The following DSCAM variants were observed in gnomAD, a reference collection of about 807,000 sequenced individuals.
DSCAM encodes cell adhesion molecule DSCAM.
Under a neutral mutation model 217.7 loss-of-function variants are expected in DSCAM, and 47 were observed. The ratio of observed to expected loss-of-function variants is 0.22; its 90% confidence interval spans 0.17 to 0.28. DSCAM has a LOEUF of 0.28. Among genes scored for constraint, DSCAM ranks in the 10% least tolerant of loss-of-function variants. The pLI, the probability that DSCAM is intolerant of heterozygous loss-of-function variation, is 1.00. For missense variants in DSCAM, 2,080 were observed against 2,618.3 expected, an observed-to-expected ratio of 0.79 and a Z score of 4.49; for synonymous variants, 1,056 against 1,015.3, an observed-to-expected ratio of 1.04 and a Z score of -0.76.
At chr21:40,076,683 T>C (rs1228192622) in intron 26 of DSCAM, among the ~76,000 whole-genome samples, 1 of 152,262 alleles carries the variant, frequency 6.6e-6, no homozygotes, top group Non-Finnish European at 1.5e-5. Context: ...GAACACTTTG[T>C]GAATTAGAAT....
At chr21:40,593,450 C>T (rs772689434) in intron 3 of DSCAM, among the ~76,000 whole-genome samples, 9 of 152,050 alleles carry the variant, frequency 5.9e-5, no homozygotes, top group Non-Finnish European at 1.0e-4. Flanking sequence ...CTCAGCCTCT[C>T]GAGTAGCTGG....
At chr21:40,196,122 T>C (rs2091005064) in intron 11 of DSCAM, among the ~76,000 whole-genome samples, 1 of 152,186 alleles carries the variant, frequency 6.6e-6, no homozygotes. Context: ...CCTCCTGGTG[T>C]CCCAGGTAAA....
chr21:40,637,154 TATATAA>T (rs1240344496), intron 3 of DSCAM, among the ~76,000 whole-genome samples: 1 of 61,600 alleles, frequency 1.6e-5, no homozygotes, highest in Admixed American at 3.6e-4. Context: ...TATATAAATA[TATATAA>T]ATATAAATAT....
At chr21:40,575,491 C>T (rs986231843) in intron 3 of DSCAM, among the ~76,000 whole-genome samples, 13 of 152,090 alleles carry the variant, frequency 8.5e-5, no homozygotes, top group African/African-American at 2.4e-4. Context: ...TACACATATA[C>T]GGCTCTTTTT....
At chr21:40,736,400 C>T (rs987762689) in intron 1 of DSCAM, among the ~76,000 whole-genome samples, 2 of 150,054 alleles carry the variant, frequency 1.3e-5, no homozygotes, top group Admixed American at 6.6e-5. Flanking sequence ...TCATGGGGGC[C>T]GTGGGTATAT....
At chr21:40,224,067 T>G (rs888201857) in intron 11 of DSCAM, among the ~76,000 whole-genome samples, 3 of 152,244 alleles carry the variant, frequency 2.0e-5, no homozygotes, top group Non-Finnish European at 4.4e-5. Flanking sequence ...TAACAATGTA[T>G]GTACTAGGGA....
Position 40,620,391 on chromosome 21 carries a change from A to G in DSCAM, c.508+72419T>C, listed in dbSNP as rs1377572236. On this transcript the variant is annotated intron_variant, in intron 3 of 32. Coordinates refer to ENST00000400454, the MANE Select transcript of DSCAM (RefSeq NM_001389.5). The stretch of plus-strand genomic sequence containing the variant: ...AAAAGAAAGAAAGAAAGAAAGAGAA[A>G]GAAAGAAAGAAAGGAGGGAGGGAGG... Among the ~76,000 whole-genome samples the G allele has an allele frequency of 3.5e-5, 3 of 84,940 alleles. No homozygotes were observed. The East Asian group carries it at 8.2e-4, about 23-fold the overall frequency. 55.7% of individuals were successfully genotyped at this position (84,940 alleles called of 152,430 possible).
chr21:40,506,288 C>T (rs2076209920), intron 3 of DSCAM, among the ~76,000 whole-genome samples: 1 of 152,160 alleles, frequency 6.6e-6, no homozygotes, highest in South Asian at 2.1e-4. Context: ...AGTGAATATT[C>T]TAGCAAATAA....
intron 11 of DSCAM, among the ~76,000 whole-genome samples, chr21:40,195,747 C>T (rs1195833430): frequency 2.0e-5 from 3 of 152,188 alleles, no homozygotes; most frequent in African/African-American, 7.2e-5. Context: ...GCAGGAATTA[C>T]AGGGTTCCCG....
chr21:40,489,368 A>T (rs1437621326), intron 3 of DSCAM, among the ~76,000 whole-genome samples: 1 of 152,108 alleles, frequency 6.6e-6, no homozygotes, highest in East Asian at 1.9e-4. Flanking sequence ...TTGAACTTAA[A>T]CTGCAACATT....
intron 16 of DSCAM, among the ~76,000 whole-genome samples, chr21:40,149,542 G>C (rs556511656): frequency 0.01 from 1,354 of 132,168 alleles, 71 homozygotes; most frequent in African/African-American, 0.039. Flanking sequence ...CAACACCACT[G>C]TCACCACAAC....
chr21:40,318,756 G>A (rs1244613973), intron 8 of DSCAM, among the ~76,000 whole-genome samples: 1 of 152,190 alleles, frequency 6.6e-6, no homozygotes, highest in Non-Finnish European at 1.5e-5. Flanking sequence ...TGGAGCCGGT[G>A]GGTGCTAAAA....
At chr21:40,114,969 C>A (rs943620156) in intron 20 of DSCAM, among the ~76,000 whole-genome samples, 1 of 152,202 alleles carries the variant, frequency 6.6e-6, no homozygotes, top group Non-Finnish European at 1.5e-5. Flanking sequence ...GTTGGTGGGA[C>A]TGTAAACTAG....
chr21:40,614,594 GAT>G (rs1314030553), intron 3 of DSCAM, among the ~76,000 whole-genome samples: 1 of 152,154 alleles, frequency 6.6e-6, no homozygotes, highest in Non-Finnish European at 1.5e-5. Context: ...CTACCACCAA[GAT>G]ATAGTCTGGA....
At position 40,703,674 on chromosome 21, in the gene DSCAM, AT is replaced by A. The variant is rs537930002; in HGVS notation, c.361+4779del. 4.0e-4 allele frequency among the ~76,000 whole-genome samples: 61 copies of A among 152,192 alleles called. No individual in the cohort carries two copies. The East Asian group carries it at 4.1e-3, about 10-fold the overall frequency. The stretch of plus-strand genomic sequence containing the variant: ...TTTTATTATTGCGCTGAGCAATTTT[AT>A]TATATTATGATGTGCCTTTGTGCAT... On this transcript the variant is annotated intron_variant, in intron 2 of 32. Coordinates refer to ENST00000400454, the MANE Select transcript of DSCAM (RefSeq NM_001389.5).
At position 40,637,150 on chromosome 21, in the gene DSCAM, AATATATATAAATATAAAT is replaced by A. The variant is rs1215089818; in HGVS notation, c.508+55642_508+55659del. ...ATATAAATATATAAATATATATATAAATATATATAAATATAAATATATATATAAATATATATAAATATA... is the reference window on the plus strand; with the variant it reads ...ATATAAATATATAAATATATATATAAATATATATAAATATATATAAATATA... On this transcript the variant is annotated intron_variant, in intron 3 of 32. Coordinates refer to ENST00000400454, the MANE Select transcript of DSCAM (RefSeq NM_001389.5). 4.9e-5 allele frequency among the ~76,000 whole-genome samples: 3 copies of A among 60,840 alleles called. 1 individual carries two copies. Among genetic ancestry groups the A allele is most frequent in the African/African-American group, 6.4e-5 (1 of 15,516 alleles). The allele number at this position is 60,840 out of a possible 152,430, so 39.9% of individuals were successfully genotyped here.
chr21:40,774,664 C>A (rs1278438059), intron 1 of DSCAM, among the ~76,000 whole-genome samples: 1 of 151,956 alleles, frequency 6.6e-6, no homozygotes, highest in African/African-American at 2.4e-5. Context: ...AAGTTCTGTA[C>A]AAATGGAACA....
intron 3 of DSCAM, among the ~76,000 whole-genome samples, chr21:40,548,510 A>AT (rs58666282): frequency 0.35 from 49,361 of 142,380 alleles, 8,526 homozygotes; most frequent in East Asian, 0.51. Flanking sequence ...CAGTAAAAAA[A>AT]AAAATATATA....
At chr21:40,444,985 C>A (rs1290427780) in intron 3 of DSCAM, among the ~76,000 whole-genome samples, 1 of 152,138 alleles carries the variant, frequency 6.6e-6, no homozygotes, top group Non-Finnish European at 1.5e-5. Context: ...GCTGCTATAA[C>A]AAAATATGGT....
Sources: gnomAD v4.1 joint callset for allele counts (sites outside exome capture counted in the v4.1 genomes callset) on GRCh38, gnomAD v4.1.1 for gene constraint, MANE v1.5 for transcripts, NCBI Gene and HGNC (gene_info 2026-07-23, HGNC 2026-07-21) for gene names.